Variants in MRRF observed in about 807,000 individuals in gnomAD.
The protein encoded by MRRF is mitochondrial ribosome recycling factor, also known as ribosome-recycling factor, mitochondrial.
Under a neutral mutation model 25.1 loss-of-function variants are expected in MRRF, and 18 were observed. That is an observed-to-expected ratio of 0.72 (90% CI 0.50 to 1.06). The LOEUF (loss-of-function observed/expected upper bound fraction) is 1.06. Among genes scored for constraint, MRRF ranks in the 50% least tolerant of loss-of-function variants. The pLI, the probability that MRRF is intolerant of heterozygous loss-of-function variation, is 0.00. For missense variants in MRRF, 323 were observed against 319.3 expected, an observed-to-expected ratio of 1.01 and a Z score of -0.09; for synonymous variants, 113 against 112.1, an observed-to-expected ratio of 1.01 and a Z score of -0.05.
chr9:122,300,003 G>A (rs909587820), intron 5 of MRRF, among the ~76,000 whole-genome samples: 2 of 152,154 alleles, frequency 1.3e-5, no homozygotes, highest in Non-Finnish European at 2.9e-5. Flanking sequence ...AGATGTCTGG[G>A]AAAGACAAAG....
chr9:122,267,622 A>G (rs1341585121), intron 1 of MRRF, among the ~76,000 whole-genome samples: 2 of 152,132 alleles, frequency 1.3e-5, no homozygotes, highest in Non-Finnish European at 2.9e-5. Context: ...AGTGTTCTAT[A>G]TGCATTGTAT....
chr9:122,292,834 G>C (rs183464803), intron 5 of MRRF, among the ~76,000 whole-genome samples: 4 of 152,150 alleles, frequency 2.6e-5, no homozygotes, highest in African/African-American at 9.7e-5. Context: ...CATCTTCTCC[G>C]ATTCCACAGC....
chr9:122,296,177 A>G (rs1834073936), intron 5 of MRRF, among the ~76,000 whole-genome samples: 1 of 151,988 alleles, frequency 6.6e-6, no homozygotes, highest in Non-Finnish European at 1.5e-5. Context: ...CAGGTAAATA[A>G]CCATTGAGTC....
At position 122,318,699 on chromosome 9, in the gene MRRF, C is replaced by A. The variant is rs111484935; in HGVS notation, c.712-3841C>A. ...ATGATAATGATGGTGACGATGTTAT[C>A]ATCTCTATGAGGCAGGGTATTATGT... On this transcript the variant is annotated intron_variant, in intron 6 of 6. Transcript: ENST00000344641. 2.9e-3 allele frequency among the ~76,000 whole-genome samples: 449 copies of A among 152,296 alleles called. 4 individuals carry two copies. The highest frequency in any genetic ancestry group is 0.01 in the African/African-American group (417 of 41,550).
chr9:122,286,437 G>T (rs1833414638), intron 4 of MRRF, among the ~76,000 whole-genome samples: 1 of 152,186 alleles, frequency 6.6e-6, no homozygotes. Context: ...AGGCGTGGTG[G>T]CTCATGCCTG....
At chr9:122,310,109 A>G (rs1027907963) in intron 5 of MRRF, among the ~76,000 whole-genome samples, 6 of 152,228 alleles carry the variant, frequency 3.9e-5, no homozygotes, top group Non-Finnish European at 8.8e-5. Context: ...TAACTCTGAA[A>G]GGGAGGTTCT....
rs1355706450 is a variant in MRRF at position 122,313,392 on chromosome 9, A to G, written c.711+6A>G. 1.9e-6 allele frequency: 3 copies of G among 1,613,538 alleles called. No individual in the cohort carries two copies. Among genetic ancestry groups the G allele is most frequent in the South Asian group, 2.2e-5 (2 of 91,070 alleles). ...TTAGGCTAATAGAGAAACAGGTACT[A>G]TTGCCAGCAATGTAGTAGTGTCTGT... On this transcript the variant is annotated splice_donor_region_variant and intron_variant, in intron 6 of 6. Coordinates refer to ENST00000344641, the MANE Select transcript of MRRF (RefSeq NM_138777.5).
chr9:122,304,020 G>A (rs2118898901), intron 5 of MRRF, among the ~76,000 whole-genome samples: 1 of 149,792 alleles, frequency 6.7e-6, no homozygotes. Context: ...AGTAGTGTCT[G>A]TAGTTTGTAC....
chr9:122,266,781 T>C (rs1832120179), intron 1 of MRRF, among the ~76,000 whole-genome samples: 1 of 152,206 alleles, frequency 6.6e-6, no homozygotes, highest in African/African-American at 2.4e-5. Context: ...AAAAAGAATG[T>C]GTGCTTCAAG....
In MRRF at chr9:122,325,558, A is replaced by G. The variant is rs950282394; in HGVS notation, c.*2941A>G. On this transcript the variant is annotated 3_prime_UTR_variant, in exon 7 of 7. Transcript: ENST00000344641. ...GCCAGAAGAATTAACCACCTCTTCT[A>G]TTCAGTTTAATGACTTTCAAAGTCC... 2 of 151,744 alleles carry G rather than the reference A, an allele frequency of 1.3e-5. No homozygotes were observed. The highest frequency in any genetic ancestry group is 4.9e-5 in the African/African-American group (2 of 41,196). 9.4% of individuals were successfully genotyped at this position (151,744 alleles called of 1,614,324 possible). A position where few individuals can be genotyped will look rare whatever the true frequency, so the allele number is the denominator to read the frequency against.
At chr9:122,317,691 A>G (rs1295336211) in intron 6 of MRRF, among the ~76,000 whole-genome samples, 1 of 152,214 alleles carries the variant, frequency 6.6e-6, no homozygotes, top group Non-Finnish European at 1.5e-5. Flanking sequence ...TACATGTCAA[A>G]ATATTAAAGG....
chr9:122,274,533 G>GGTGTGTGTGTGTGT lies in MRRF; in HGVS notation c.184+3487_184+3500dup, dbSNP rs765131163. Among the ~76,000 whole-genome samples the GGTGTGTGTGTGTGT allele has an allele frequency of 7.1e-3, 993 of 140,626 alleles. 8 individuals are homozygous for GGTGTGTGTGTGTGT. The highest frequency in any genetic ancestry group is 9.3e-3 in the Non-Finnish European group (607 of 65,344). 92.3% of individuals were successfully genotyped at this position (140,626 alleles called of 152,430 possible). On this transcript the variant is annotated intron_variant, in intron 2 of 6. Coordinates refer to ENST00000344641, the MANE Select transcript of MRRF (RefSeq NM_138777.5). The stretch of plus-strand genomic sequence containing the variant: ...CTTGCCTGTAAAGTAATATGAATCT[G>GGTGTGTGTGTGTGT]GTGTGTGTGTGTGTGTGTGTGTGTG...
chr9:122,281,820 A>C (rs1833107175), intron 3 of MRRF, among the ~76,000 whole-genome samples: 1 of 152,120 alleles, frequency 6.6e-6, no homozygotes. Flanking sequence ...GTAATTTGTT[A>C]AATGTTAACC....
chr9:122,281,263 C>T (rs540894866), intron 3 of MRRF, among the ~76,000 whole-genome samples: 7 of 152,314 alleles, frequency 4.6e-5, no homozygotes, highest in Non-Finnish European at 8.8e-5. Context: ...TGCAAGCAGG[C>T]AGGAAAAATC....
At chr9:122,322,204 C>CA (rs1424363138) in intron 6 of MRRF, among the ~76,000 whole-genome samples, 1 of 150,712 alleles carries the variant, frequency 6.6e-6, no homozygotes, top group African/African-American at 2.4e-5. Flanking sequence ...ACTAAAAATA[C>CA]AAAAAAAAAT....
intron 5 of MRRF, 134 bp downstream of exon 5, chr9:122,291,974 T>C: frequency 2.7e-6 from 2 of 742,806 alleles, no homozygotes; most frequent in South Asian, 2.9e-5. Context: ...CAAACATCTT[T>C]TGAGATCACT....
At chr9:122,305,174 G>T (rs2118907141) in intron 5 of MRRF, among the ~76,000 whole-genome samples, 1 of 152,206 alleles carries the variant, frequency 6.6e-6, no homozygotes, top group South Asian at 2.1e-4. Flanking sequence ...ATCTTGGGAT[G>T]CTGAGGCAGG....
At chr9:122,315,884 C>A (rs1588084961) in intron 6 of MRRF, among the ~76,000 whole-genome samples, 1 of 152,330 alleles carries the variant, frequency 6.6e-6, no homozygotes, top group Middle Eastern at 3.4e-3. Flanking sequence ...CTTGATAAAA[C>A]CCTCTTGACA....
At position 122,305,997 on chromosome 9, in the gene MRRF, A is replaced by G. The variant is rs939231121; in HGVS notation, c.552-7230A>G. 3.6e-4 allele frequency among the ~76,000 whole-genome samples: 55 copies of G among 152,216 alleles called. 1 individual carries two copies. The highest frequency in any genetic ancestry group is 1.1e-3 in the African/African-American group (47 of 41,470). On this transcript the variant is annotated intron_variant, in intron 5 of 6. Transcript: ENST00000344641. ...CTTTTGAGATCAGTATGTTATCTCT[A>G]TCTTACAGATGAGGTAACTAAGTCA...
Sources: allele counts gnomAD v4.1 joint callset (sites outside exome capture counted in the v4.1 genomes callset), GRCh38; gene constraint gnomAD v4.1.1; transcripts MANE v1.5; gene names NCBI Gene and HGNC (gene_info 2026-07-23, HGNC 2026-07-21).